DZIP1L: variants seen among roughly 807,000 people sequenced by gnomAD.
DZIP1L encodes the protein cilium assembly protein DZIP1L.
In DZIP1L, 90 loss-of-function variants were observed where a neutral mutation model predicts 88.7. The observed-to-expected ratio is 1.02, with a 90% CI of 0.86 to 1.21. The LOEUF is 1.21. DZIP1L is among the 50% of genes most tolerant of loss of function. DZIP1L has a pLI of 0.00. For missense variants in DZIP1L, 932 were observed against 955.8 expected, an observed-to-expected ratio of 0.98 and a Z score of 0.33; for synonymous variants, 363 against 372.1, an observed-to-expected ratio of 0.98 and a Z score of 0.28.
chr3:138,084,582 C>A (rs1943835717), intron 7 of DZIP1L, among the ~76,000 whole-genome samples: 2 of 152,174 alleles, frequency 1.3e-5, no homozygotes. Flanking sequence ...AACAAGTTAA[C>A]ATGCTACTTC....
chr3:138,091,278 A>G (rs1344158432), intron 5 of DZIP1L, among the ~76,000 whole-genome samples: 1 of 152,054 alleles, frequency 6.6e-6, no homozygotes, highest in Non-Finnish European at 1.5e-5. Flanking sequence ...TTCTTAGCTA[A>G]GTGACCTTGG....
intron 2 of DZIP1L, among the ~76,000 whole-genome samples, chr3:138,098,069 T>C (rs1011998923): frequency 1.3e-5 from 2 of 152,244 alleles, no homozygotes; most frequent in Non-Finnish European, 2.9e-5. Context: ...CAACACTGGA[T>C]ATTTGATGAT....
At chr3:138,067,082 C>T (rs142941203) in intron 14 of DZIP1L, among the ~76,000 whole-genome samples, 12 of 152,278 alleles carry the variant, frequency 7.9e-5, no homozygotes, top group African/African-American at 2.2e-4. Context: ...GAGGGGCCCC[C>T]ACTTTGGCCT....
At chr3:138,069,803 C>T (rs1230776780) in intron 12 of DZIP1L, among the ~76,000 whole-genome samples, 4 of 152,082 alleles carry the variant, frequency 2.6e-5, no homozygotes, top group Non-Finnish European at 5.9e-5. Context: ...ACAGAAGAGG[C>T]AGGGTCCAAG....
intron 2 of DZIP1L, among the ~76,000 whole-genome samples, 163 bp downstream of exon 2, chr3:138,103,308 G>A (rs759760373): frequency 1.6e-4 from 25 of 152,014 alleles, no homozygotes; most frequent in Non-Finnish European, 3.2e-4. Flanking sequence ...GACACCCCCA[G>A]GCTCTCTGGC....
chr3:138,067,101 G>A (rs1449165971), intron 14 of DZIP1L, among the ~76,000 whole-genome samples: 3 of 152,152 alleles, frequency 2.0e-5, no homozygotes, highest in Non-Finnish European at 4.4e-5. Context: ...CTCAAGTGCG[G>A]GTTGTTCCTC....
Position 138,103,701 on chromosome 3 carries a change from G to A in DZIP1L, c.271C>T (p.Gln91Ter). 6.2e-7 allele frequency: 1 copy of A among 1,612,624 alleles called. No homozygotes were observed. The highest frequency in any genetic ancestry group is 8.5e-7 in the Non-Finnish European group (1 of 1,179,960). Residue 91 changes from glutamine (Q) to a stop codon, truncating the protein, a stop_gained, in exon 2 of 16, where the codon CAG becomes TAG. Coordinates refer to ENST00000327532, the MANE Select transcript of DZIP1L (RefSeq NM_173543.3). LOFTEE classifies it high-confidence loss of function. ...TGCAGCAGGTACTCAATGATGAGCT[G>A]CGCCAGGCGCAGCACCTTGAGCAGT... is the stretch of plus-strand genomic sequence containing the variant. ...PALLKVLRLAQLIIEYLLHCQ... is the reference protein window; with the variant it reads ...PALLKVLRLA
rs202221589 is a variant in DZIP1L, at chr3:138,064,618, T to A, written c.2142+10A>T. On this transcript the variant is annotated intron_variant, in intron 15 of 15. Coordinates refer to ENST00000327532, the MANE Select transcript of DZIP1L (RefSeq NM_173543.3). ...ATTCCAGAGTAAACTCTAAGCATCC[T>A]ACATCCTACCTGAGGCTTCCTTCCT... The A allele has an allele frequency of 6.2e-7, 1 of 1,614,134 alleles. No homozygotes were observed.
At chr3:138,088,053 T>C (rs1426926761) in intron 6 of DZIP1L, among the ~76,000 whole-genome samples, 1 of 152,238 alleles carries the variant, frequency 6.6e-6, no homozygotes, top group Non-Finnish European at 1.5e-5. Context: ...AATGGATGCA[T>C]CCCAAATATC....
At chr3:138,103,208 A>G (rs563267948) in intron 2 of DZIP1L, among the ~76,000 whole-genome samples, 1 of 152,012 alleles carries the variant, frequency 6.6e-6, no homozygotes, top group East Asian at 1.9e-4. Context: ...CATACACTAG[A>G]CATGTACCCT....
intron 6 of DZIP1L, 32 bp downstream of exon 6, chr3:138,088,347 T>C (rs773430155): frequency 5.0e-6 from 8 of 1,587,672 alleles, no homozygotes; most frequent in African/African-American, 4.0e-5. Flanking sequence ...CTTGGCTTCC[T>C]CTGGGAAGAA....
intron 13 of DZIP1L, 147 bp from the exon 14 acceptor site, chr3:138,067,847 C>T (rs1467678642): frequency 4.3e-6 from 4 of 934,930 alleles, no homozygotes; most frequent in Non-Finnish European, 6.0e-6. Flanking sequence ...CAGGAGACCC[C>T]TGGAGTGCAG....
rs1352197542 is a variant in DZIP1L, at chr3:138,062,915, G to A, written c.2205C>T (p.Asp735=). 1 of 1,614,200 alleles carries A rather than the reference G, an allele frequency of 6.2e-7. No homozygotes were observed. Among genetic ancestry groups the A allele is most frequent in the Non-Finnish European group, 8.5e-7 (1 of 1,180,036 alleles). The change falls in exon 16 of 16, where the codon GAC becomes GAT. Residue 735 remains aspartate, a synonymous_variant. Coordinates refer to ENST00000327532, the MANE Select transcript of DZIP1L (RefSeq NM_173543.3). ...SSLEDLPLDL[D]QREKPKPLSR... is the part of the protein sequence containing the mutation. ...ACAAGGGCTTGGGTTTCTCTCTCTG[G>A]TCCAGGTCCAGAGGAAGATCTTCCA...
At chr3:138,068,982 T>C in intron 12 of DZIP1L, 1 of 1,274,724 alleles carries the variant, frequency 7.8e-7, no homozygotes, top group Non-Finnish European at 9.9e-7. Flanking sequence ...ATGTGTGGAT[T>C]GGGTCACAAT....
chr3:138,080,484 T>C, intron 10 of DZIP1L, 83 bp downstream of exon 10: 1 of 1,490,150 alleles, frequency 6.7e-7, no homozygotes, highest in South Asian at 1.1e-5. Context: ...CCAGATACAG[T>C]TAAGTAGAGA....
chr3:138,097,522 G>A (rs897622732), intron 3 of DZIP1L, among the ~76,000 whole-genome samples: 1 of 152,182 alleles, frequency 6.6e-6, no homozygotes, highest in Non-Finnish European at 1.5e-5. Context: ...AATAAATAGC[G>A]ACAGAGCTAA....
In DZIP1L at chr3:138,095,607, C is replaced by T. The variant is rs1353075795; in HGVS notation, c.587-624G>A. On this transcript the variant is annotated intron_variant, in intron 3 of 15. Transcript: ENST00000327532. ...CAACCTGACCAACATGGTGAAACCCCGTCTCTACTAAAAATACAAAAAAAA... is the reference window on the plus strand; with the variant it reads ...CAACCTGACCAACATGGTGAAACCCTGTCTCTACTAAAAATACAAAAAAAA... 9.9e-5 allele frequency among the ~76,000 whole-genome samples: 15 copies of T among 152,074 alleles called. No homozygotes were observed. In the East Asian group the frequency reaches 1.2e-3, roughly 12 times the overall value.
intron 3 of DZIP1L, 125 bp from the exon 4 acceptor site, chr3:138,095,108 T>A: frequency 2.1e-6 from 3 of 1,434,954 alleles, no homozygotes; most frequent in Non-Finnish European, 2.8e-6. Flanking sequence ...TACGTTGACA[T>A]TGGGCAAAGA....
chr3:138,104,292 G>A (rs1461400733), intron 1 of DZIP1L, among the ~76,000 whole-genome samples: 1 of 152,216 alleles, frequency 6.6e-6, no homozygotes, highest in African/African-American at 2.4e-5. Flanking sequence ...AGCCTCCTGT[G>A]TCTAAGGAGG....
Sources: allele counts gnomAD v4.1 joint callset (sites outside exome capture counted in the v4.1 genomes callset), GRCh38; gene constraint gnomAD v4.1.1; transcripts MANE v1.5; gene names NCBI Gene and HGNC (gene_info 2026-07-23, HGNC 2026-07-21).